The following INO80B variants were observed in gnomAD, a reference collection of about 807,000 sequenced individuals.
INO80B encodes the protein IES2 homolog.
A neutral mutation model predicts 31.4 loss-of-function variants in INO80B; 18 were observed. That is an observed-to-expected ratio of 0.57 (90% CI 0.40 to 0.85). INO80B has a LOEUF of 0.85. Among genes scored for constraint, INO80B ranks in the 40% least tolerant of loss-of-function variants. The probability of loss-of-function intolerance (pLI) is 0.00; values close to 1 mark genes in which losing one functional copy is unlikely to be tolerated. For synonymous variants in INO80B, 238 were observed against 199.0 expected (o/e 1.20, Z -1.65); for missense variants, 469 against 475.4 (o/e 0.99, Z 0.13).
At position 74,457,334 on chromosome 2, in the gene INO80B, C is replaced by G. The variant is rs1414558098; in HGVS notation, c.541C>G (p.Arg181Gly). The G allele has an allele frequency of 4.4e-6, 7 of 1,604,912 alleles. No homozygotes were observed. The highest frequency in any genetic ancestry group is 6.0e-6 in the Non-Finnish European group (7 of 1,176,430). ...GCACCCCGTCTCTGTCTCTCCCTAGCGAGCTCTGCTCCAGAAGGCGCGGAG... is the reference window on the plus strand; with the variant it reads ...GCACCCCGTCTCTGTCTCTCCCTAGGGAGCTCTGCTCCAGAAGGCGCGGAG... ...INERLLTARQ[R>G]ALLQKARSQP... The change falls in exon 5 of 5, where the codon CGA becomes GGA. Residue 181 changes from arginine to glycine, a missense_variant and splice_region_variant. Physicochemically the swap from Arg to Gly is moderately radical, Grantham distance 125 (BLOSUM62 -2). Coordinates refer to ENST00000233331, the MANE Select transcript of INO80B (RefSeq NM_031288.4).
intron 2 of INO80B, 61 bp from the exon 3 acceptor site, chr2:74,455,757 G>A: frequency 7.0e-7 from 1 of 1,422,930 alleles, no homozygotes; most frequent in Non-Finnish European, 9.9e-7. Flanking sequence ...GTTGGGTGTA[G>A]CTACGGAGTA....
At chr2:74,455,666 C>T in intron 2 of INO80B, 68 bp downstream of exon 2, 1 of 1,510,304 alleles carries the variant, frequency 6.6e-7, no homozygotes, top group Admixed American at 2.0e-5. Context: ...TAGAAGCCGA[C>T]TGGGCTTTCT....
chr2:74,455,779 C>T (rs772900567), intron 2 of INO80B, 39 bp from the exon 3 acceptor site: 20 of 1,482,466 alleles, frequency 1.3e-5, no homozygotes, highest in Non-Finnish European at 1.9e-5. Flanking sequence ...GAGGAGGAGA[C>T]GCTTGCTCAT....
chr2:74,457,192 A>T, intron 4 of INO80B, 142 bp from the exon 5 acceptor site: 1 of 760,880 alleles, frequency 1.3e-6, no homozygotes, highest in Non-Finnish European at 2.0e-6. Context: ...GGTGCTCATT[A>T]ATTAATATCC....
chr2:74,457,789 T>C lies in INO80B; in HGVS notation c.996T>C (p.Leu332=). 6.3e-7 allele frequency: 1 copy of C among 1,595,624 alleles called. No individual in the cohort carries two copies. Among genetic ancestry groups the C allele is most frequent in the Non-Finnish European group, 8.5e-7 (1 of 1,178,336 alleles). Residue 332 remains leucine (L), a synonymous_variant, in exon 5 of 5, where the codon CTT becomes CTC. Coordinates refer to ENST00000233331, the MANE Select transcript of INO80B (RefSeq NM_031288.4). ...GCACAGGCCAGGCACTCTGTAGTCT[T>C]CAGTGCTACCGCATCAACCTGCAGA... ...CSRTGQALCS[L]QCYRINLQMR... is the part of the protein sequence containing the mutation.
In INO80B at chr2:74,455,427, T is replaced by G. The variant is rs1162841717; in HGVS notation, c.80T>G (p.Leu27Arg). 3.7e-6 allele frequency: 6 copies of G among 1,614,000 alleles called. No homozygotes were observed. The South Asian group carries it at 6.6e-5, about 18-fold the overall frequency. The stretch of plus-strand genomic sequence containing the variant: ...ACAGGAGAAGCCCTGGAGTTGAGCC[T>G]GGCGGGTGCCCATGGCCATGGAGTG... The part of the protein sequence containing the change: ...PEPGEALELS[L>R]AGAHGHGVHK... The change falls in exon 2 of 5, where the codon CTG becomes CGG. Residue 27 changes from leucine to arginine, a missense_variant. This residue lies in a region of INO80B where 223 missense variants were observed against 253.4 expected (regional missense o/e 0.88). Transcript: ENST00000233331.
intron 1 of INO80B, 24 bp from the exon 2 acceptor site, chr2:74,455,381 CT>C (rs1355488379): frequency 1.2e-6 from 2 of 1,614,070 alleles, no homozygotes; most frequent in Non-Finnish European, 1.7e-6. Flanking sequence ...CGGCCAAACA[CT>C]GTCGACAGGC....
At chr2:74,456,377 A>C in intron 4 of INO80B, 105 bp downstream of exon 4, 1 of 1,154,348 alleles carries the variant, frequency 8.7e-7, no homozygotes, top group Non-Finnish European at 1.3e-6. Context: ...TAGTAGAGAA[A>C]AGACAAAGTT....
At position 74,457,352 on chromosome 2, in the gene INO80B, G is replaced by T. The variant is rs868142025; in HGVS notation, c.559G>T (p.Ala187Ser). The T allele has an allele frequency of 2.5e-6, 4 of 1,607,908 alleles. No individual in the cohort carries two copies. The African/African-American group carries it at 4.0e-5, about 16-fold the overall frequency. The change falls in exon 5 of 5, where the codon GCG (alanine) becomes TCG (serine). Residue 187 changes from alanine to serine, a missense_variant. Ala to Ser is a moderately conservative substitution (Grantham distance 99). Transcript: ENST00000233331. ...TARQRALLQK[A>S]RSQPSPMLPL... ...TCCCTAGCGAGCTCTGCTCCAGAAG[G>T]CGCGGAGTCAACCTTCCCCTATGCT...
In INO80B at chr2:74,457,363, A is replaced by G. The variant is rs1445267825; in HGVS notation, c.570A>G (p.Gln190=). ...CTCTGCTCCAGAAGGCGCGGAGTCA[A>G]CCTTCCCCTATGCTGCCGCTGCCTG... ...QRALLQKARS[Q]PSPMLPLPVA... The change falls in exon 5 of 5, where the codon CAA becomes CAG. Residue 190 remains glutamine (Q), a synonymous_variant. Coordinates refer to ENST00000233331, the MANE Select transcript of INO80B (RefSeq NM_031288.4). 18 of 1,608,086 alleles carry G rather than the reference A, an allele frequency of 1.1e-5. No homozygotes were observed. Among genetic ancestry groups the G allele is most frequent in the Admixed American group, 3.4e-5 (2 of 59,528 alleles).
Position 74,455,155 on chromosome 2 carries a change from T to C in INO80B, c.39T>C (p.Ala13=), listed in dbSNP as rs1169423084. The C allele has an allele frequency of 6.2e-7, 1 of 1,614,174 alleles. No individual in the cohort carries two copies. The highest frequency in any genetic ancestry group is 8.5e-7 in the Non-Finnish European group (1 of 1,180,010). Residue 13 remains alanine (A), a synonymous_variant, in exon 1 of 5, where the codon GCT becomes GCC. Transcript: ENST00000233331. The stretch of plus-strand genomic sequence containing the variant: ...GGCGGCGTGGGAGCACCTCTGGGGC[T>C]ATGGAGGCCCCTGAGCCGGGTAAGC... The part of the protein sequence containing the change: ...KLWRRGSTSG[A]MEAPEPGEAL...
At position 74,456,118 on chromosome 2, in the gene INO80B, T is replaced by C. The variant is rs1266544312; in HGVS notation, c.386T>C (p.Leu129Pro). ...TCCTTCCCAGATGAAGACAGTAATC[T>C]CTCTCCCTCTCCACTTCGGGACCTA... Reference protein sequence around the residue: ...YRAWLDEDSNLSPSPLRDLSG... With the variant: ...YRAWLDEDSNPSPSPLRDLSG... The change falls in exon 4 of 5, where the codon CTC becomes CCC. Residue 129 changes from leucine (L) to proline (P), a missense_variant. Physicochemically the swap from Leu to Pro is moderately conservative, Grantham distance 98. Coordinates refer to ENST00000233331, the MANE Select transcript of INO80B (RefSeq NM_031288.4). 1.3e-6 allele frequency: 2 copies of C among 1,594,164 alleles called. No homozygotes were observed. Among genetic ancestry groups the C allele is most frequent in the Non-Finnish European group, 1.7e-6 (2 of 1,170,218 alleles).
At chr2:74,455,631 G>T in intron 2 of INO80B, 33 bp downstream of exon 2, 2 of 1,570,756 alleles carry the variant, frequency 1.3e-6, no homozygotes, top group Admixed American at 1.9e-5. Flanking sequence ...TTTATAAGGG[G>T]AACTTTAGGA....
In INO80B at chr2:74,455,164, C is replaced by A. The variant is rs150048389; in HGVS notation, c.48C>A (p.Ala16=). The change falls in exon 1 of 5, where the codon GCC becomes GCA. Residue 16 remains alanine, a synonymous_variant. Transcript: ENST00000233331. ...RRGSTSGAME[A]PEPGEALELS... ...GGAGCACCTCTGGGGCTATGGAGGC[C>A]CCTGAGCCGGGTAAGCGCGAATAGA... The A allele has an allele frequency of 6.2e-7, 1 of 1,614,190 alleles. No homozygotes were observed. Among genetic ancestry groups the A allele is most frequent in the Non-Finnish European group, 8.5e-7 (1 of 1,180,028 alleles).
chr2:74,457,021 C>T (rs1002997350), intron 4 of INO80B, among the ~76,000 whole-genome samples: 2 of 152,192 alleles, frequency 1.3e-5, no homozygotes, highest in African/African-American at 2.4e-5. Flanking sequence ...AAAATAACAA[C>T]AGACCTCTGG....
Position 74,457,744 on chromosome 2 carries a change from G to T in INO80B, c.951G>T (p.Pro317=). 1.2e-6 allele frequency: 2 copies of T among 1,600,126 alleles called. No homozygotes were observed. The change falls in exon 5 of 5, where the codon CCG becomes CCT. Residue 317 remains proline, a synonymous_variant. Transcript: ENST00000233331. ...PRCSVPGCPH[P]RRYACSRTGQ... ...GCTCTGTCCCCGGCTGTCCCCATCC[G>T]CGCCGCTACGCTTGCTCCCGCACAG...
Position 74,456,141 on chromosome 2 carries a change from C to T in INO80B, c.409C>T (p.Leu137=), listed in dbSNP as rs1671690736. The T allele has an allele frequency of 6.2e-7, 1 of 1,608,388 alleles. No homozygotes were observed. The highest frequency in any genetic ancestry group is 8.5e-7 in the Non-Finnish European group (1 of 1,177,212). ...SNLSPSPLRD[L]SGGLGGQEEE... is the part of the protein sequence containing the mutation. ...TCTCTCTCCCTCTCCACTTCGGGAC[C>T]TATCAGGAGGGTTAGGGGGTCAGGA... is the stretch of plus-strand genomic sequence containing the variant. Residue 137 remains leucine (L), a synonymous_variant, in exon 4 of 5, where the codon CTA becomes TTA. Transcript: ENST00000233331.
chr2:74,457,561 C>T lies in INO80B; in HGVS notation c.768C>T (p.Gly256=). ...CCAGTGGGCGGGGAGGCCGGGGGGG[C>T]GCACGGGGCGAGCGGCGGGGAGGGC... ...AATSGRGGRG[G]ARGERRGGRA... Residue 256 remains glycine (G), a synonymous_variant, in exon 5 of 5, where the codon GGC becomes GGT. Transcript: ENST00000233331. 6.6e-7 allele frequency: 1 copy of T among 1,515,036 alleles called. No homozygotes were observed. The highest frequency in any genetic ancestry group is 8.8e-7 in the Non-Finnish European group (1 of 1,135,960). The allele number at this position is 1,515,036 out of a possible 1,614,324, so 93.8% of individuals were successfully genotyped here. A position where few individuals can be genotyped will look rare whatever the true frequency, so the allele number is the denominator to read the frequency against.
chr2:74,457,420 A>G lies in INO80B; in HGVS notation c.627A>G (p.Thr209=), dbSNP rs772422029. Residue 209 remains threonine (T), a synonymous_variant, in exon 5 of 5, where the codon ACA becomes ACG. Coordinates refer to ENST00000233331, the MANE Select transcript of INO80B (RefSeq NM_031288.4). Reference sequence around the variant, plus strand: ...AGGGCTGCCCACCTCCCGCCCTCACAGAGGAGATGCTGCTGAAGCGCGAGG... The same window carrying G: ...AGGGCTGCCCACCTCCCGCCCTCACGGAGGAGATGCTGCTGAAGCGCGAGG... ...VAEGCPPPAL[T]EEMLLKREER... 109 of 1,600,584 alleles carry G rather than the reference A, an allele frequency of 6.8e-5. No homozygotes were observed. The South Asian group carries it at 8.1e-4, about 12-fold the overall frequency.
Sources: allele counts gnomAD v4.1 joint callset (sites outside exome capture counted in the v4.1 genomes callset), GRCh38; gene constraint gnomAD v4.1.1; regional missense constraint gnomAD v4.1.1; transcripts MANE v1.5; gene names NCBI Gene and HGNC (gene_info 2026-07-23, HGNC 2026-07-21).